The following PHGDH variants were observed in gnomAD, a reference collection of about 807,000 sequenced individuals.
The protein encoded by PHGDH is D-3-phosphoglycerate dehydrogenase.
In PHGDH, 50 loss-of-function variants were observed where a neutral mutation model predicts 52.6. The observed-to-expected ratio is 0.95, with a 90% CI of 0.76 to 1.20. The LOEUF (loss-of-function observed/expected upper bound fraction) is 1.20, where lower values mean the gene tolerates loss of function less well. Ranked by LOEUF, PHGDH falls within the 50% of genes most tolerant of loss-of-function variation. PHGDH has a pLI of 0.00. For synonymous variants in PHGDH, 271 were observed against 280.5 expected, an observed-to-expected ratio of 0.97 and a Z score of 0.34; for missense variants, 630 against 684.6, an observed-to-expected ratio of 0.92 and a Z score of 0.89.
chr1:119,734,767 G>A lies in PHGDH; in HGVS notation c.643+1G>A, dbSNP rs149128100. ...ACTCCTCTCCTGCCCTCCACGACAG[G>A]TAGGTGTGTCCTTACATTGTGGATT... On this transcript the variant is annotated splice_donor_variant, in intron 6 of 11. Coordinates refer to ENST00000641023, the MANE Select transcript of PHGDH (RefSeq NM_006623.4). LOFTEE classifies it high-confidence loss of function. 6.2e-7 allele frequency: 1 copy of A among 1,613,966 alleles called. No homozygotes were observed. The highest frequency in any genetic ancestry group is 1.3e-5 in the African/African-American group (1 of 74,902).
At chr1:119,726,183 T>C (rs1320150585) in intron 3 of PHGDH, among the ~76,000 whole-genome samples, 1 of 61,366 alleles carries the variant, frequency 1.6e-5, no homozygotes. Flanking sequence ...GTGAAGAGTG[T>C]GTGTGTGTGT....
chr1:119,735,256 G>A (rs748152846), intron 6 of PHGDH, 39 bp from the exon 7 acceptor site: 3 of 1,613,584 alleles, frequency 1.9e-6, no homozygotes, highest in Non-Finnish European at 2.5e-6. Context: ...TGGGGATCCT[G>A]GTGCTGCCCC....
intron 3 of PHGDH, among the ~76,000 whole-genome samples, chr1:119,726,002 T>G (rs1651392012): frequency 6.6e-6 from 1 of 152,152 alleles, no homozygotes. Context: ...TAAACATTGT[T>G]TCTCAAATCT....
At chr1:119,727,330 A>G (rs1651475910) in intron 5 of PHGDH, 1 of 572,258 alleles carries the variant, frequency 1.7e-6, no homozygotes, top group Non-Finnish European at 3.1e-6. Flanking sequence ...CTGGTGAGTG[A>G]ATAGCCCTGA....
chr1:119,737,359 A>C, intron 8 of PHGDH, 93 bp downstream of exon 8: 5 of 1,102,718 alleles, frequency 4.5e-6, no homozygotes, highest in South Asian at 1.4e-5. Context: ...GTGGGTGAAT[A>C]GATTCAGCCC....
In PHGDH at chr1:119,735,360, G is replaced by GGAGGGATCGTGGACGAAGGC; in HGVS notation, c.711_730dup (p.Ala244GlufsTer71). On this transcript the variant is annotated frameshift_variant, in exon 7 of 12. Transcript: ENST00000641023. LOFTEE classifies it high-confidence loss of function. ...GGTGCGTGTGGTGAACTGTGCCCGT[G>GGAGGGATCGTGGACGAAGGC]GAGGGATCGTGGACGAAGGCGCCCT... is the stretch of plus-strand genomic sequence containing the variant. The GGAGGGATCGTGGACGAAGGC allele has an allele frequency of 6.2e-7, 1 of 1,614,206 alleles. No homozygotes were observed. Among genetic ancestry groups the GGAGGGATCGTGGACGAAGGC allele is most frequent in the Non-Finnish European group, 8.5e-7 (1 of 1,180,036 alleles).
chr1:119,728,315 G>A (rs1391854929), intron 5 of PHGDH, among the ~76,000 whole-genome samples: 1 of 152,156 alleles, frequency 6.6e-6, no homozygotes, highest in Admixed American at 6.5e-5. Context: ...TGTTTTGTCT[G>A]CTTTCCTGTG....
chr1:119,731,142 A>G (rs1184241928), intron 5 of PHGDH, among the ~76,000 whole-genome samples: 2 of 152,214 alleles, frequency 1.3e-5, no homozygotes, highest in African/African-American at 4.8e-5. Flanking sequence ...TCAGTGGCAT[A>G]GCTGATAGAA....
In PHGDH at chr1:119,723,391, C is replaced by T. The variant is rs761693145; in HGVS notation, c.306C>T (p.Asn102=). The change falls in exon 3 of 12, where the codon AAC becomes AAT. Residue 102 remains asparagine (N), a synonymous_variant. Coordinates refer to ENST00000641023, the MANE Select transcript of PHGDH (RefSeq NM_006623.4). ...TGATCTTTAGCACCCCCAATGGGAA[C>T]AGCCTCAGTGCCGCAGAACTCACTT... The part of the protein sequence containing the change: ...GILVMNTPNG[N]SLSAAELTCG... 3.1e-6 allele frequency: 5 copies of T among 1,613,510 alleles called. No individual in the cohort carries two copies. Among genetic ancestry groups the T allele is most frequent in the East Asian group, 2.2e-5 (1 of 44,822 alleles).
At chr1:119,725,920 C>T (rs1297082796) in intron 3 of PHGDH, among the ~76,000 whole-genome samples, 1 of 152,148 alleles carries the variant, frequency 6.6e-6, no homozygotes. Context: ...TCCCTCCGTG[C>T]AGCTGTGAAT....
chr1:119,720,128 G>T (rs1651084716), intron 1 of PHGDH: 2 of 152,268 alleles, frequency 1.3e-5, no homozygotes, highest in South Asian at 2.1e-4. Flanking sequence ...CTCATTCTGT[G>T]TTTGAGCAAG....
chr1:119,734,339 C>T (rs1356070870), intron 5 of PHGDH: 2 of 405,738 alleles, frequency 4.9e-6, no homozygotes, highest in Admixed American at 3.5e-5. Context: ...TGGCTGTGCC[C>T]CTCCTCATTG....
At chr1:119,739,388 C>T (rs1416299735) in intron 8 of PHGDH, 1 of 152,248 alleles carries the variant, frequency 6.6e-6, no homozygotes, top group African/African-American at 2.4e-5. Flanking sequence ...CCCCACCACC[C>T]TTCTTGTCTG....
At chr1:119,712,506 G>A (rs1250009887) in intron 1 of PHGDH, 2 of 340,842 alleles carry the variant, frequency 5.9e-6, no homozygotes, top group Non-Finnish European at 1.1e-5. Context: ...GCGCGCAATT[G>A]TTCTGGCAGC....
chr1:119,739,089 AC>A (rs1424005803), intron 8 of PHGDH, among the ~76,000 whole-genome samples: 1 of 152,214 alleles, frequency 6.6e-6, no homozygotes, highest in East Asian at 1.9e-4. Flanking sequence ...AACCTCAGAC[AC>A]AGAATAACAT....
intron 1 of PHGDH, among the ~76,000 whole-genome samples, chr1:119,716,922 CA>C (rs1650959837): frequency 6.6e-6 from 1 of 151,980 alleles, no homozygotes; most frequent in Admixed American, 6.6e-5. Context: ...TTCTTTCTGC[CA>C]AAATGATGCC....
chr1:119,735,159 C>T, intron 6 of PHGDH, 136 bp from the exon 7 acceptor site: 1 of 1,149,490 alleles, frequency 8.7e-7, no homozygotes, highest in Non-Finnish European at 1.3e-6. Flanking sequence ...GAGATGAGAG[C>T]AAAGAGGCTG....
At chr1:119,715,182 ATACT>A (rs1334492677) in intron 1 of PHGDH, among the ~76,000 whole-genome samples, 1 of 152,352 alleles carries the variant, frequency 6.6e-6, no homozygotes, top group East Asian at 1.9e-4. Flanking sequence ...TTATGAAATA[ATACT>A]TACTCTTTTT....
rs1557976942 is a variant in PHGDH, at chr1:119,734,742, ACTC to A, written c.623_625del (p.Pro208del). 1 of 1,611,740 alleles carries A rather than the reference ACTC, an allele frequency of 6.2e-7. No homozygotes were observed. Among genetic ancestry groups the A allele is most frequent in the Non-Finnish European group, 8.5e-7 (1 of 1,179,266 alleles). ...TCTCTGTGATTTCATCACTGTGCAC[ACTC>A]CTCTCCTGCCCTCCACGACAGGTAG... On this transcript the variant is annotated inframe_deletion, in exon 6 of 12. Transcript: ENST00000641023.
Sources: gnomAD v4.1 joint callset for allele counts (sites outside exome capture counted in the v4.1 genomes callset) on GRCh38, gnomAD v4.1.1 for gene constraint, MANE v1.5 for transcripts, NCBI Gene and HGNC (gene_info 2026-07-23, HGNC 2026-07-21) for gene names.